ANO10: variants seen among roughly 807,000 people sequenced by gnomAD.
The protein encoded by ANO10 is anoctamin 10, also known as anoctamin-10.
Under a neutral mutation model 74.7 loss-of-function variants are expected in ANO10, and 77 were observed. The observed-to-expected ratio is 1.03, with a 90% confidence interval of 0.86 to 1.25. ANO10 has a LOEUF of 1.25. ANO10 is among the 50% of genes most tolerant of loss of function. The pLI is 0.00. For missense variants in ANO10, 721 were observed against 778.1 expected (o/e 0.93, Z 0.87); for synonymous variants, 279 against 284.9 (o/e 0.98, Z 0.21).
At chr3:43,442,489 T>C (rs1049593241) in intron 11 of ANO10, among the ~76,000 whole-genome samples, 1 of 152,042 alleles carries the variant, frequency 6.6e-6, no homozygotes, top group Non-Finnish European at 1.5e-5. Context: ...ACCAAGGAGA[T>C]GAAAAGCGTG....
chr3:43,584,847 C>T (rs936119660), intron 4 of ANO10, among the ~76,000 whole-genome samples: 2 of 152,174 alleles, frequency 1.3e-5, no homozygotes, highest in African/African-American at 4.8e-5. Context: ...TCAAATTAAA[C>T]GTAAGATCTG....
chr3:43,662,293 C>T (rs1472375484), intron 1 of ANO10, among the ~76,000 whole-genome samples: 1 of 152,204 alleles, frequency 6.6e-6, no homozygotes, highest in African/African-American at 2.4e-5. Flanking sequence ...GAACAACCTG[C>T]TCCTGAATGA....
chr3:43,479,630 C>A (rs2076193621), intron 11 of ANO10, among the ~76,000 whole-genome samples: 1 of 152,098 alleles, frequency 6.6e-6, no homozygotes, highest in African/African-American at 2.4e-5. Context: ...AGTTAATTAC[C>A]AAATGGTTAA....
At chr3:43,610,352 CT>C (rs1363293524) in intron 1 of ANO10, among the ~76,000 whole-genome samples, 1 of 151,910 alleles carries the variant, frequency 6.6e-6, no homozygotes, top group Non-Finnish European at 1.5e-5. Flanking sequence ...TTATGGTTAA[CT>C]TTTTTTTCAA....
At chr3:43,521,124 C>T (rs954370228) in intron 11 of ANO10, among the ~76,000 whole-genome samples, 16 of 152,292 alleles carry the variant, frequency 1.1e-4, no homozygotes, top group African/African-American at 3.6e-4. Context: ...CCTTTCCAAT[C>T]GACATGCATT....
At chr3:43,523,081 G>A (rs1285597910) in intron 11 of ANO10, among the ~76,000 whole-genome samples, 1 of 152,194 alleles carries the variant, frequency 6.6e-6, no homozygotes, top group East Asian at 1.9e-4. Flanking sequence ...AGAGGTTTAT[G>A]TGTTCAGTGA....
intron 2 of ANO10, among the ~76,000 whole-genome samples, chr3:43,602,390 T>G (rs758850828): frequency 6.6e-6 from 1 of 152,176 alleles, no homozygotes. Context: ...CAGGCTAGAG[T>G]GCAATGGTGC....
intron 1 of ANO10, among the ~76,000 whole-genome samples, chr3:43,674,680 G>A (rs565684844): frequency 6.6e-6 from 1 of 152,288 alleles, no homozygotes; most frequent in South Asian, 2.1e-4. Context: ...CCTGTGGGAA[G>A]GAAGGGAGAA....
intron 11 of ANO10, among the ~76,000 whole-genome samples, chr3:43,546,081 T>C (rs1206863319): frequency 6.6e-6 from 1 of 152,166 alleles, no homozygotes; most frequent in Non-Finnish European, 1.5e-5. Flanking sequence ...AAATTTTCTA[T>C]TGAGAAACCA....
chr3:43,548,982 T>C (rs1185048482), intron 11 of ANO10, among the ~76,000 whole-genome samples: 1 of 152,220 alleles, frequency 6.6e-6, no homozygotes. Flanking sequence ...TTCACACCTG[T>C]AGCAAATGAG....
At chr3:43,421,658 C>G (rs1446847676) in intron 12 of ANO10, among the ~76,000 whole-genome samples, 1 of 152,106 alleles carries the variant, frequency 6.6e-6, no homozygotes, top group African/African-American at 2.4e-5. Flanking sequence ...GACCCTGTCT[C>G]TACTATAAAT....
At chr3:43,582,370 T>A (rs2081300943) in intron 4 of ANO10, among the ~76,000 whole-genome samples, 1 of 152,006 alleles carries the variant, frequency 6.6e-6, no homozygotes, top group African/African-American at 2.4e-5. Flanking sequence ...GAGAATGGCA[T>A]GAACCCAGGA....
intron 12 of ANO10, among the ~76,000 whole-genome samples, chr3:43,412,092 C>G (rs1192421702): frequency 1.3e-5 from 2 of 148,368 alleles, no homozygotes; most frequent in African/African-American, 4.9e-5. Flanking sequence ...ACTGACAAGT[C>G]CAAATAATAA....
At chr3:43,621,243 G>T (rs2083377498) in intron 1 of ANO10, among the ~76,000 whole-genome samples, 1 of 152,156 alleles carries the variant, frequency 6.6e-6, no homozygotes, top group East Asian at 1.9e-4. Flanking sequence ...AAAATCAGAC[G>T]CTGCCTATAG....
At chr3:43,535,480 T>C (rs540848228) in intron 11 of ANO10, among the ~76,000 whole-genome samples, 3 of 152,158 alleles carry the variant, frequency 2.0e-5, no homozygotes, top group Admixed American at 1.3e-4. Context: ...TTCAACATGT[T>C]GGCCAGAATG....
intron 11 of ANO10, among the ~76,000 whole-genome samples, chr3:43,489,628 A>G (rs966131755): frequency 6.6e-6 from 1 of 152,152 alleles, no homozygotes; most frequent in African/African-American, 2.4e-5. Context: ...TCACAATAAG[A>G]CTAGGAGATT....
In ANO10 at chr3:43,578,810, C is replaced by T. The variant is rs2081134593; in HGVS notation, c.592+1543G>A. On this transcript the variant is annotated intron_variant, in intron 5 of 12. Coordinates refer to ENST00000292246, the MANE Select transcript of ANO10 (RefSeq NM_018075.5). Reference sequence around the variant, plus strand: ...GCTAACAGATAGTCACTTTACAAGTCCTAGAGGCAATATTCAAATTTCCTG... The same window carrying T: ...GCTAACAGATAGTCACTTTACAAGTTCTAGAGGCAATATTCAAATTTCCTG... 5.6e-5 allele frequency among the ~76,000 whole-genome samples: 8 copies of T among 141,690 alleles called. No homozygotes were observed. In the Admixed American group the frequency reaches 5.7e-4, roughly 10 times the overall value. The allele number at this position is 141,690 out of a possible 152,430, so 93.0% of individuals were successfully genotyped here. A position where few individuals can be genotyped will look rare whatever the true frequency, so the allele number is the denominator to read the frequency against.
intron 12 of ANO10, among the ~76,000 whole-genome samples, chr3:43,414,685 C>A (rs1260460454): frequency 6.6e-6 from 1 of 152,124 alleles, no homozygotes; most frequent in Admixed American, 6.5e-5. Context: ...TGCTTCTTGC[C>A]AGAAAGCACG....
At chr3:43,436,673 T>C (rs1456249980) in intron 11 of ANO10, among the ~76,000 whole-genome samples, 1 of 152,202 alleles carries the variant, frequency 6.6e-6, no homozygotes, top group Non-Finnish European at 1.5e-5. Flanking sequence ...AGCAGTAAAG[T>C]ACTGCCCGCT....
Sources: allele counts gnomAD v4.1 joint callset (sites outside exome capture counted in the v4.1 genomes callset), GRCh38; gene constraint gnomAD v4.1.1; transcripts MANE v1.5; gene names NCBI Gene and HGNC (gene_info 2026-07-23, HGNC 2026-07-21).